PDZD2: variants seen among roughly 807,000 people sequenced by gnomAD.
PDZD2 encodes the protein PDZ domain containing 2.
In PDZD2, 90 loss-of-function variants were observed where a neutral mutation model predicts 220.7. That is an observed-to-expected ratio of 0.41 (90% CI 0.34 to 0.49). The LOEUF is 0.49. PDZD2 is among the 20% of genes least tolerant of loss of function. The pLI is 0.28. For missense variants in PDZD2, 3,174 were observed against 3,608.5 expected (o/e 0.88, Z 3.08); for synonymous variants, 1,375 against 1,450.5 (o/e 0.95, Z 1.18).
chr5:31,816,903 G>T (rs1369899045), intron 2 of PDZD2, among the ~76,000 whole-genome samples: 1 of 152,200 alleles, frequency 6.6e-6, no homozygotes, highest in African/African-American at 2.4e-5. Context: ...CAGCATCCAG[G>T]CTGGGCGCCA....
intron 16 of PDZD2, 28 bp downstream of exon 16, chr5:32,071,446 TC>T: frequency 6.3e-7 from 1 of 1,575,390 alleles, no homozygotes; most frequent in Non-Finnish European, 8.7e-7. Context: ...GCTACCTGCC[TC>T]CCTCAGCTGG....
intron 6 of PDZD2, among the ~76,000 whole-genome samples, chr5:32,013,689 T>C (rs537043395): frequency 6.6e-6 from 1 of 152,280 alleles, no homozygotes; most frequent in African/African-American, 2.4e-5. Context: ...AATACACTGA[T>C]CCTAAGCCCA....
chr5:31,803,261 C>CTTTTTTTT (rs759569783), intron 2 of PDZD2, among the ~76,000 whole-genome samples: 10 of 92,246 alleles, frequency 1.1e-4, no homozygotes, highest in African/African-American at 1.5e-4. Flanking sequence ...CTGCATCTGG[C>CTTTTTTTT]TTTTTTTTTT....
Position 32,087,976 on chromosome 5 carries a change from G to A in PDZD2, c.4528G>A (p.Asp1510Asn), listed in dbSNP as rs147017641. ...QPSVLDSINP[D>N]KHFTVNKNFL... ...TTCGGTTTTAGATTCAATTAATCCCGACAAACATTTTACTGTGAACAAAAA... is the reference window on the plus strand; with the variant it reads ...TTCGGTTTTAGATTCAATTAATCCCAACAAACATTTTACTGTGAACAAAAA... The change falls in exon 20 of 25, where the codon GAC (aspartate) becomes AAC (asparagine). Residue 1510 changes from aspartate (D) to asparagine (N), a missense_variant. Asp to Asn is a conservative substitution (Grantham distance 23). This residue lies in a region of PDZD2 where 1,861 missense variants were observed against 2,001.0 expected (regional missense o/e 0.93). Coordinates refer to ENST00000438447, the MANE Select transcript of PDZD2 (RefSeq NM_178140.4). The surrounding 1 kb of genome is among the most constrained non-coding windows in gnomAD (Gnocchi z 4.0). 284 of 1,614,046 alleles carry A rather than the reference G, an allele frequency of 1.8e-4. No homozygotes were observed. Among genetic ancestry groups the A allele is most frequent in the African/African-American group, 6.7e-4 (50 of 74,922 alleles).
chr5:31,884,227 G>GCATACATA (rs557964815), intron 2 of PDZD2, among the ~76,000 whole-genome samples: 6,044 of 147,492 alleles, frequency 0.041, 407 homozygotes, highest in African/African-American at 0.14. Flanking sequence ...ATAACTGCAT[G>GCATACATA]CATGCATACA....
chr5:32,090,632 G>T lies in PDZD2; in HGVS notation c.7184G>T (p.Arg2395Leu), dbSNP rs771473510. ...GACGCAGCAGCAAGGTTGTTGAGAC[G>T]CAGCTTGAGTTCCTGCAGCGAAAAC... ...PGDAAARLLR[R>L]SLSSCSENQS... The change falls in exon 20 of 25, where the codon CGC (arginine) becomes CTC (leucine). Residue 2395 changes from arginine to leucine, a missense_variant. Physicochemically the swap from Arg to Leu is moderately radical, Grantham distance 102. This residue lies in a region of PDZD2 where 631 missense variants were observed against 789.9 expected (regional missense o/e 0.80). Transcript: ENST00000438447. This position sits in a 1 kb window ranked among gnomAD's most constrained non-coding sequence, Gnocchi z 4.3. 1 of 1,614,112 alleles carries T rather than the reference G, an allele frequency of 6.2e-7. No homozygotes were observed.
chr5:31,695,578 C>T (rs969060277), intron 1 of PDZD2, among the ~76,000 whole-genome samples: 3 of 152,170 alleles, frequency 2.0e-5, no homozygotes, highest in Non-Finnish European at 4.4e-5. Context: ...AAATATGAGT[C>T]GTCCTGAAGA....
At chr5:31,852,877 G>A (rs558426558) in intron 2 of PDZD2, among the ~76,000 whole-genome samples, 4 of 152,260 alleles carry the variant, frequency 2.6e-5, no homozygotes, top group South Asian at 2.1e-4. Flanking sequence ...GATTACAGGC[G>A]TGAGCCACTG....
intron 2 of PDZD2, among the ~76,000 whole-genome samples, chr5:31,972,648 A>G (rs996282393): frequency 2.0e-5 from 3 of 152,228 alleles, no homozygotes; most frequent in Non-Finnish European, 4.4e-5. Flanking sequence ...GTAATGAACA[A>G]CTAGTAATTT....
chr5:31,704,890 G>T (rs1034653995), intron 1 of PDZD2, among the ~76,000 whole-genome samples: 25 of 152,214 alleles, frequency 1.6e-4, no homozygotes, highest in African/African-American at 5.8e-4. Context: ...GCTGGGTGCG[G>T]TGGCTCACGC....
At chr5:31,927,175 A>G (rs1329262343) in intron 2 of PDZD2, among the ~76,000 whole-genome samples, 4 of 152,234 alleles carry the variant, frequency 2.6e-5, no homozygotes, top group Non-Finnish European at 4.4e-5. Context: ...CAATATACCC[A>G]GGTAACCAAC....
At chr5:32,055,428 C>G (rs970617342) in intron 10 of PDZD2, among the ~76,000 whole-genome samples, 1 of 152,020 alleles carries the variant, frequency 6.6e-6, no homozygotes, top group Admixed American at 6.6e-5. Context: ...AACTCCTGGC[C>G]TCAAGTGAAT....
At chr5:31,723,552 G>A (rs1481557597) in intron 1 of PDZD2, among the ~76,000 whole-genome samples, 2 of 152,006 alleles carry the variant, frequency 1.3e-5, no homozygotes, top group Non-Finnish European at 2.9e-5. Context: ...AAATTTCATA[G>A]CACCACAGAA....
Position 31,844,954 on chromosome 5 carries a change from AAACAAGAAACAAGTTTCTTTT to A in PDZD2, c.476+45232_476+45252del, listed in dbSNP as rs143481590. Among the ~76,000 whole-genome samples the A allele has an allele frequency of 5.3e-3, 802 of 152,324 alleles. 6 individuals are homozygous for A. The highest frequency in any genetic ancestry group is 0.018 in the African/African-American group (752 of 41,578). ...TCTGTGAGTGGGAACAAGTTTCTTT[AAACAAGAAACAAGTTTCTTTT>A]ATCATATACAACTGAGCACAAATTA... On this transcript the variant is annotated intron_variant, in intron 2 of 24. Coordinates refer to ENST00000438447, the MANE Select transcript of PDZD2 (RefSeq NM_178140.4).
intron 5 of PDZD2, among the ~76,000 whole-genome samples, chr5:32,003,343 A>AC (rs1752499459): frequency 1.3e-4 from 3 of 22,556 alleles, no homozygotes; most frequent in Admixed American, 5.8e-4. Flanking sequence ...ACCACACCAC[A>AC]CACACACCAC....
Position 32,098,635 on chromosome 5 carries a change from G to A in PDZD2, c.8218+1G>A. The A allele has an allele frequency of 6.2e-7, 1 of 1,610,024 alleles. No homozygotes were observed. Among genetic ancestry groups the A allele is most frequent in the East Asian group, 2.2e-5 (1 of 44,796 alleles). The stretch of plus-strand genomic sequence containing the variant: ...ACCATCCCCCTGGAGCCTGGCATTG[G>A]TAAGATGATCATTTCAACAACCAGC... On this transcript the variant is annotated splice_donor_variant, in intron 23 of 24. Transcript: ENST00000438447. LOFTEE classifies it high-confidence loss of function. This position sits in a 1 kb window ranked among gnomAD's most constrained non-coding sequence, Gnocchi z 4.1.
chr5:32,064,462 C>T (rs1740009590), intron 14 of PDZD2, among the ~76,000 whole-genome samples: 1 of 151,810 alleles, frequency 6.6e-6, no homozygotes, highest in Non-Finnish European at 1.5e-5. Context: ...AGGCTGGTCT[C>T]GAACTCCTAA....
intron 2 of PDZD2, among the ~76,000 whole-genome samples, chr5:31,889,997 TG>T (rs1184150380): frequency 6.6e-6 from 1 of 151,894 alleles, no homozygotes; most frequent in East Asian, 1.9e-4. Context: ...CACTCCAGCC[TG>T]GGCGACAGAG....
At chr5:31,715,150 A>G (rs1256331716) in intron 1 of PDZD2, among the ~76,000 whole-genome samples, 1 of 151,954 alleles carries the variant, frequency 6.6e-6, no homozygotes, top group Non-Finnish European at 1.5e-5. Flanking sequence ...AAAAGTCAAC[A>G]TCTTCATTTT....
Sources: gnomAD v4.1 joint callset for allele counts (sites outside exome capture counted in the v4.1 genomes callset) on GRCh38, gnomAD v4.1.1 for gene constraint, gnomAD v4.1.1 regional missense constraint, Gnocchi (gnomAD v3.1) non-coding constraint, MANE v1.5 for transcripts, NCBI Gene and HGNC (gene_info 2026-07-23, HGNC 2026-07-21) for gene names.